Variants in MPND observed in about 807,000 individuals in gnomAD.
MPND encodes the protein MPN domain-containing protein.
In MPND, 56 loss-of-function variants were observed where a neutral mutation model predicts 59.2. That is an observed-to-expected ratio of 0.95 (90% CI 0.76 to 1.18). MPND has a LOEUF of 1.18. MPND is among the 50% of genes most tolerant of loss of function. The pLI is 0.00. For missense variants in MPND, 671 were observed against 676.0 expected (o/e 0.99, Z 0.08); for synonymous variants, 323 against 291.9 (o/e 1.11, Z -1.09).
rs750033528 is a variant in MPND at position 4,354,352 on chromosome 19, T to C, written c.778T>C (p.Ser260Pro). Residue 260 changes from serine to proline, a missense_variant, in exon 6 of 13, where the codon TCC becomes CCC. Coordinates refer to ENST00000599840, the MANE Select transcript of MPND (RefSeq NM_001300862.2). ...CCCCCACACCCTGGTGGAAGTAACA[T>C]CCTTTGCAGCCATCAACAAGTTCCA... The part of the protein sequence containing the change: ...RNPHTLVEVT[S>P]FAAINKFQPF... 2.4e-5 allele frequency: 38 copies of C among 1,561,290 alleles called. No individual in the cohort carries two copies. The South Asian group carries it at 4.1e-4, about 17-fold the overall frequency.
intron 3 of MPND, chr19:4,348,492 C>T (rs1972240010): frequency 1.3e-5 from 2 of 152,000 alleles, no homozygotes; most frequent in South Asian, 4.1e-4. Flanking sequence ...AACTCCTGAC[C>T]TCGTGATCCA....
intron 10 of MPND, 119 bp downstream of exon 10, chr19:4,357,704 A>G (rs532313306): frequency 7.5e-5 from 73 of 971,442 alleles, no homozygotes; most frequent in African/African-American, 9.9e-5. Flanking sequence ...CAGTTTCTCC[A>G]TCTATGAAAT....
chr19:4,350,282 A>C (rs1341743195), intron 3 of MPND, among the ~76,000 whole-genome samples: 1 of 151,862 alleles, frequency 6.6e-6, no homozygotes, highest in African/African-American at 2.4e-5. Flanking sequence ...GGTGGGGAGG[A>C]TGGGAAGGGG....
chr19:4,354,910 C>T, intron 6 of MPND, 39 bp from the exon 7 acceptor site: 1 of 1,544,816 alleles, frequency 6.5e-7, no homozygotes, highest in East Asian at 2.3e-5. Context: ...GGCAGGGCCA[C>T]AGCCTGAGCC....
At position 4,359,465 on chromosome 19, in the gene MPND, G is replaced by A. The variant is rs535352553; in HGVS notation, c.1419+210G>A. Reference sequence around the variant, plus strand: ...TGGAGCTTTAAGCTCCGGCAGTGCCGGATGAGGTCCTGGCAGCGGGTTTTG... The same window carrying A: ...TGGAGCTTTAAGCTCCGGCAGTGCCAGATGAGGTCCTGGCAGCGGGTTTTG... On this transcript the variant is annotated intron_variant, in intron 12 of 12. Coordinates refer to ENST00000599840, the MANE Select transcript of MPND (RefSeq NM_001300862.2). Among the ~76,000 whole-genome samples the A allele has an allele frequency of 2.6e-5, 4 of 152,292 alleles. 1 individual carries two copies. The highest frequency in any genetic ancestry group is 4.4e-5 in the Non-Finnish European group (3 of 68,014).
At chr19:4,345,410 C>CTTCTGAATGGGAGT (rs915757151) in intron 2 of MPND, among the ~76,000 whole-genome samples, 6 of 152,308 alleles carry the variant, frequency 3.9e-5, no homozygotes, top group South Asian at 2.1e-4. Context: ...CATTATTCCC[C>CTTCTGAATGGGAGT]TTCTGAATGG....
intron 3 of MPND, chr19:4,348,897 T>G (rs142136634): frequency 5.4e-6 from 1 of 184,174 alleles, no homozygotes; most frequent in African/African-American, 2.4e-5. Context: ...CCTCGTGATC[T>G]ACCTGCCTCA....
chr19:4,351,158 C>T (rs1383611137), intron 3 of MPND, among the ~76,000 whole-genome samples: 1 of 152,176 alleles, frequency 6.6e-6, no homozygotes, highest in Non-Finnish European at 1.5e-5. Flanking sequence ...GGCTGTAGTA[C>T]AATGGTGTGA....
intron 8 of MPND, among the ~76,000 whole-genome samples, chr19:4,356,454 A>G (rs1005230922): frequency 2.6e-5 from 4 of 152,126 alleles, no homozygotes; most frequent in African/African-American, 9.7e-5. Flanking sequence ...CTGAGGCAGG[A>G]GGATGGATTG....
At chr19:4,346,380 G>C (rs1257382273) in intron 3 of MPND, among the ~76,000 whole-genome samples, 1 of 152,130 alleles carries the variant, frequency 6.6e-6, no homozygotes, top group Non-Finnish European at 1.5e-5. Context: ...GTGTTCACCA[G>C]CCGGGTGAAC....
At chr19:4,359,889 G>T (rs1226269935) in intron 12 of MPND, 27 bp from the exon 13 acceptor site, 2 of 1,543,224 alleles carry the variant, frequency 1.3e-6, no homozygotes, top group East Asian at 2.5e-5. Context: ...CCCGGGCACA[G>T]CCTGAGGCCC....
chr19:4,357,626 A>G, intron 10 of MPND, 41 bp downstream of exon 10: 1 of 1,572,946 alleles, frequency 6.4e-7, no homozygotes, highest in East Asian at 2.3e-5. Flanking sequence ...GCCCGGGAGC[A>G]CTGGGGCATT....
In MPND at chr19:4,354,428, G is replaced by T; in HGVS notation, c.846+8G>T. 1 of 1,553,336 alleles carries T rather than the reference G, an allele frequency of 6.4e-7. No individual in the cohort carries two copies. On this transcript the variant is annotated splice_region_variant and intron_variant, in intron 6 of 12. Transcript: ENST00000599840. ...AACGTGCTGTTCCTGCTGGTGTGTGGCCCACCCTGTCTAGGGGCAAGGGGC... is the reference window on the plus strand; with the variant it reads ...AACGTGCTGTTCCTGCTGGTGTGTGTCCCACCCTGTCTAGGGGCAAGGGGC...
chr19:4,343,636 C>CGGGGCTGCAGGGGCGG (rs1972117364), intron 1 of MPND, 36 bp downstream of exon 1: 2 of 1,206,722 alleles, frequency 1.7e-6, no homozygotes, highest in Non-Finnish European at 2.1e-6. Flanking sequence ...GCGCGGGGCG[C>CGGGGCTGCAGGGGCGG]GGGGCTGCAG....
intron 12 of MPND, 81 bp downstream of exon 12, chr19:4,359,336 G>A: frequency 9.7e-7 from 1 of 1,029,398 alleles, no homozygotes; most frequent in Non-Finnish European, 1.5e-6. Context: ...GCAGCAATGA[G>A]CCCCGTGGGC....
In MPND at chr19:4,359,891, C is replaced by T. The variant is rs747273152; in HGVS notation, c.1420-25C>T. On this transcript the variant is annotated intron_variant, in intron 12 of 12. Transcript: ENST00000599840. ...GCTGGCTAGGACCCCCGGGCACAGC[C>T]TGAGGCCCAGCCCCCTCGTTTCAGA... The T allele has an allele frequency of 1.3e-6, 2 of 1,544,560 alleles. 1 individual carries two copies.
At chr19:4,357,721 G>T in intron 10 of MPND, 136 bp downstream of exon 10, 1 of 828,704 alleles carries the variant, frequency 1.2e-6, no homozygotes, top group Non-Finnish European at 1.9e-6. Context: ...AAATGGGGAC[G>T]TGACTGCTGC....
Position 4,355,111 on chromosome 19 carries a change from A to G in MPND, c.934A>G (p.Arg312Gly). ...DVNSQMLTVL[R>G]AFPCRSRLGD... ...CCTCCCCACAGTGCTGACGGTGCTCAGAGCCTTCCCTTGTCGGAGCCGGCT... is the reference window on the plus strand; with the variant it reads ...CCTCCCCACAGTGCTGACGGTGCTCGGAGCCTTCCCTTGTCGGAGCCGGCT... The change falls in exon 8 of 13, where the codon AGA (arginine) becomes GGA (glycine). Residue 312 changes from arginine (R) to glycine (G), a missense_variant. By Grantham distance (125) the Arg-to-Gly change is moderately radical. Coordinates refer to ENST00000599840, the MANE Select transcript of MPND (RefSeq NM_001300862.2). The G allele has an allele frequency of 6.2e-7, 1 of 1,613,950 alleles. No homozygotes were observed. The highest frequency in any genetic ancestry group is 1.1e-5 in the South Asian group (1 of 91,082).
At position 4,345,811 on chromosome 19, in the gene MPND, T is replaced by C; in HGVS notation, c.361T>C (p.Phe121Leu). Residue 121 changes from phenylalanine to leucine, a missense_variant, in exon 3 of 13, where the codon TTC becomes CTC. By Grantham distance (22) the Phe-to-Leu change is conservative. Transcript: ENST00000599840. The part of the protein sequence containing the change: ...RIMWQETGQT[F>L]NSPSAWATHC... ...CATGTGGCAGGAGACCGGGCAGACC[T>C]TCAACTCACCCAGCGCCTGGGCCAC... is the stretch of plus-strand genomic sequence containing the variant. 3 of 1,613,918 alleles carry C rather than the reference T, an allele frequency of 1.9e-6. No homozygotes were observed. Among genetic ancestry groups the C allele is most frequent in the Non-Finnish European group, 2.5e-6 (3 of 1,180,002 alleles).
Sources: gnomAD v4.1 joint callset for allele counts (sites outside exome capture counted in the v4.1 genomes callset) on GRCh38, gnomAD v4.1.1 for gene constraint, MANE v1.5 for transcripts, NCBI Gene and HGNC (gene_info 2026-07-23, HGNC 2026-07-21) for gene names.